The following NRXN1 variants were observed in gnomAD, a reference collection of about 807,000 sequenced individuals.
The protein encoded by NRXN1 is neurexin 1, also known as neurexin-1.
A neutral mutation model predicts 150.9 loss-of-function variants in NRXN1; 39 were observed. The ratio of observed to expected loss-of-function variants is 0.26; its 90% confidence interval spans 0.20 to 0.34. The LOEUF is 0.34. Ranked by LOEUF, NRXN1 falls within the 10% of genes least tolerant of loss-of-function variation. NRXN1 has a pLI of 1.00. For missense variants in NRXN1, 1,815 were observed against 1,949.9 expected (o/e 0.93, Z 1.30); for synonymous variants, 924 against 757.0 (o/e 1.22, Z -3.62).
intron 12 of NRXN1, among the ~76,000 whole-genome samples, chr2:50,520,066 A>G (rs1284468330): frequency 6.6e-6 from 1 of 151,962 alleles, no homozygotes; most frequent in African/African-American, 2.4e-5. Context: ...CACATATTAT[A>G]CCATGTGTTA....
intron 2 of NRXN1, among the ~76,000 whole-genome samples, chr2:51,024,419 G>T (rs1670105304): frequency 6.6e-6 from 1 of 152,082 alleles, no homozygotes; most frequent in Non-Finnish European, 1.5e-5. Flanking sequence ...GAATGAACTG[G>T]AAATCTTATT....
chr2:50,420,964 G>C (rs1024334788), intron 17 of NRXN1, among the ~76,000 whole-genome samples: 12 of 7,970 alleles, frequency 1.5e-3, no homozygotes, highest in African/African-American at 6.0e-3. Flanking sequence ...AAATAGACCT[G>C]TGTGTGTGTG....
At chr2:49,938,737 G>T (rs949424271) in intron 22 of NRXN1, among the ~76,000 whole-genome samples, 1 of 152,126 alleles carries the variant, frequency 6.6e-6, no homozygotes, top group Non-Finnish European at 1.5e-5. Flanking sequence ...AGGCAGGTCT[G>T]GTTCCCTTTG....
chr2:50,221,423 T>C (rs1181726624), intron 18 of NRXN1, among the ~76,000 whole-genome samples: 3 of 152,158 alleles, frequency 2.0e-5, no homozygotes, highest in Non-Finnish European at 2.9e-5. Context: ...ATATTCTTAA[T>C]GCCTATTAAA....
intron 5 of NRXN1, among the ~76,000 whole-genome samples, chr2:50,746,711 G>A (rs1700070838): frequency 1.3e-5 from 2 of 152,240 alleles, no homozygotes; most frequent in Admixed American, 6.5e-5. Context: ...CCACTAGAGG[G>A]CTGCTGTGAG....
chr2:50,384,743 T>C (rs1227484166), intron 17 of NRXN1, among the ~76,000 whole-genome samples: 2 of 142,810 alleles, frequency 1.4e-5, no homozygotes, highest in African/African-American at 5.1e-5. Context: ...TTTTGTTCAA[T>C]ACTTCAAAAA....
chr2:50,842,641 T>C (rs55706114), intron 5 of NRXN1, among the ~76,000 whole-genome samples: 16,542 of 152,220 alleles, frequency 0.11, 1,016 homozygotes, highest in African/African-American at 0.13. Context: ...TTGATCAATT[T>C]GTCTGTGAGT....
At chr2:49,978,170 A>G (rs1340202651) in intron 21 of NRXN1, among the ~76,000 whole-genome samples, 2 of 152,194 alleles carry the variant, frequency 1.3e-5, no homozygotes, top group Non-Finnish European at 2.9e-5. Flanking sequence ...CCCACAAAAA[A>G]GAAAATGTAG....
chr2:50,381,287 T>A (rs529519383), intron 17 of NRXN1, among the ~76,000 whole-genome samples: 1 of 152,136 alleles, frequency 6.6e-6, no homozygotes, highest in African/African-American at 2.4e-5. Flanking sequence ...ATAAATGAAG[T>A]AGTAGTCTCA....
chr2:50,242,979 T>C (rs551661855), intron 17 of NRXN1, among the ~76,000 whole-genome samples: 10 of 151,880 alleles, frequency 6.6e-5, no homozygotes, highest in African/African-American at 2.4e-4. Flanking sequence ...CAGAAGAATT[T>C]AGATAATTCC....
At position 51,027,867 on chromosome 2, in the gene NRXN1, T is replaced by C. The variant is rs202118977; in HGVS notation, c.407A>G (p.Lys136Arg). The C allele has an allele frequency of 4.3e-6, 7 of 1,612,778 alleles. No individual in the cohort carries two copies. The highest frequency in any genetic ancestry group is 5.9e-6 in the Non-Finnish European group (7 of 1,179,708). Residue 136 changes from lysine to arginine, a missense_variant, in exon 2 of 23, where the codon AAG (lysine) becomes AGG (arginine). Coordinates refer to ENST00000401669, the MANE Select transcript of NRXN1 (RefSeq NM_001330078.2). ...TTLFIDQVEA[K>R]WVEVKSKRRD... The stretch of plus-strand genomic sequence containing the variant: ...GCGCTTGGACTTGACCTCCACCCAC[T>C]TGGCCTCCACCTGGTCGATGAAGAG...
At chr2:50,618,150 G>A (rs1352187621) in intron 8 of NRXN1, among the ~76,000 whole-genome samples, 1 of 152,158 alleles carries the variant, frequency 6.6e-6, no homozygotes, top group Non-Finnish European at 1.5e-5. Flanking sequence ...CTGGCTCACA[G>A]TGAAAATGAG....
chr2:50,448,487 A>T (rs1157534523), intron 17 of NRXN1, among the ~76,000 whole-genome samples: 1 of 152,184 alleles, frequency 6.6e-6, no homozygotes, highest in Non-Finnish European at 1.5e-5. Flanking sequence ...AGGTGTAATG[A>T]TTAAAGCATT....
rs1263555779 is a variant in NRXN1, at chr2:50,179,918, A to T, written c.3546+56871T>A. Among the ~76,000 whole-genome samples, 3 of 152,242 alleles carry T rather than the reference A, an allele frequency of 2.0e-5. No individual in the cohort carries two copies. The South Asian group carries it at 6.2e-4, about 32-fold the overall frequency. ...ACAAATAATCGGTTTGATTTTTCAT[A>T]CCACGATTTTGATTAAGCACTGTGT... On this transcript the variant is annotated intron_variant, in intron 18 of 22. Coordinates refer to ENST00000401669, the MANE Select transcript of NRXN1 (RefSeq NM_001330078.2).
At chr2:50,851,001 A>G (rs1674440289) in intron 5 of NRXN1, among the ~76,000 whole-genome samples, 1 of 152,234 alleles carries the variant, frequency 6.6e-6, no homozygotes, top group South Asian at 2.1e-4. Flanking sequence ...AATAGCCATC[A>G]CTTTTACTCA....
chr2:50,603,826 A>G (rs1676667575), intron 8 of NRXN1, among the ~76,000 whole-genome samples: 1 of 152,166 alleles, frequency 6.6e-6, no homozygotes, highest in Non-Finnish European at 1.5e-5. Context: ...GTTGCACTCC[A>G]CATAGACTGG....
intron 17 of NRXN1, among the ~76,000 whole-genome samples, chr2:50,249,283 G>T (rs1328640888): frequency 6.6e-6 from 1 of 151,968 alleles, no homozygotes; most frequent in Non-Finnish European, 1.5e-5. Flanking sequence ...AAAATCCTAT[G>T]AGAGATCACT....
chr2:50,641,617 C>T lies in NRXN1; in HGVS notation c.833-18002G>A, dbSNP rs575377775. ...CAGCAATTCCACTGCATTCTGTGGCCTCTTGGTGCTGTGGGCAGCCTTAGC... is the reference window on the plus strand; with the variant it reads ...CAGCAATTCCACTGCATTCTGTGGCTTCTTGGTGCTGTGGGCAGCCTTAGC... On this transcript the variant is annotated intron_variant, in intron 5 of 22. Coordinates refer to ENST00000401669, the MANE Select transcript of NRXN1 (RefSeq NM_001330078.2). Among the ~76,000 whole-genome samples, 8 of 152,016 alleles carry T rather than the reference C, an allele frequency of 5.3e-5. No homozygotes were observed. In the South Asian group the frequency reaches 1.7e-3, roughly 32 times the overall value.
intron 15 of NRXN1, among the ~76,000 whole-genome samples, chr2:50,486,097 T>C (rs2090853862): frequency 6.6e-6 from 1 of 152,170 alleles, no homozygotes; most frequent in Admixed American, 6.6e-5. Context: ...GTACAAAACC[T>C]TAACACAATA....
Sources: allele counts gnomAD v4.1 joint callset (sites outside exome capture counted in the v4.1 genomes callset), GRCh38; gene constraint gnomAD v4.1.1; transcripts MANE v1.5; gene names NCBI Gene and HGNC (gene_info 2026-07-23, HGNC 2026-07-21).